The following SYNE1 variants were observed in gnomAD, a reference collection of about 807,000 sequenced individuals.
SYNE1 encodes spectrin repeat containing nuclear envelope protein 1, also known as nesprin-1.
SYNE1 carries 616 observed loss-of-function variants against 1,111.0 expected under a neutral mutation model. The ratio of observed to expected loss-of-function variants is 0.55; its 90% confidence interval spans 0.52 to 0.59. The LOEUF is 0.59. Ranked by LOEUF, SYNE1 falls within the 20% of genes least tolerant of loss-of-function variation. The pLI is 0.00. For missense variants in SYNE1, 10,006 were observed against 10,417.0 expected, an observed-to-expected ratio of 0.96 and a Z score of 1.72; for synonymous variants, 3,855 against 3,825.8, an observed-to-expected ratio of 1.01 and a Z score of -0.28.
chr6:152,407,162 A>G lies in SYNE1; in HGVS notation c.6575T>C (p.Leu2192Pro). The G allele has an allele frequency of 6.2e-7, 1 of 1,614,126 alleles. No individual in the cohort carries two copies. Among genetic ancestry groups the G allele is most frequent in the Non-Finnish European group, 8.5e-7 (1 of 1,180,008 alleles). Residue 2192 changes from leucine (L) to proline (P), a missense_variant, in exon 45 of 146, where the codon CTG (leucine) becomes CCG (proline). Leu to Pro is a moderately conservative substitution (Grantham distance 98, BLOSUM62 -3). Transcript: ENST00000367255. Reference sequence around the variant, plus strand: ...ATCCCAAATGGACAGGCTTACTCTCAGCCTATCCATGTTTTCTTCAAGTTT... The same window carrying G: ...ATCCCAAATGGACAGGCTTACTCTCGGCCTATCCATGTTTTCTTCAAGTTT... ...SEKLEENMDR[L>P]RVSLSIWDDV...
intron 82 of SYNE1, among the ~76,000 whole-genome samples, chr6:152,322,141 G>A (rs1204907699): frequency 1.3e-5 from 2 of 152,066 alleles, no homozygotes; most frequent in African/African-American, 2.4e-5. Flanking sequence ...CCTATTTAAA[G>A]TAGCCTGGAG....
chr6:152,151,526 T>C (rs758192288), intron 135 of SYNE1, 27 bp downstream of exon 135: 1 of 1,613,380 alleles, frequency 6.2e-7, no homozygotes, highest in Non-Finnish European at 8.5e-7. Flanking sequence ...TTTCTTCACT[T>C]TGGTAACTTG....
chr6:152,431,446 A>AT (rs1172181593), intron 34 of SYNE1, among the ~76,000 whole-genome samples: 1 of 152,240 alleles, frequency 6.6e-6, no homozygotes, highest in Non-Finnish European at 1.5e-5. Context: ...AAGAAAGGAC[A>AT]TTTTACATGT....
At chr6:152,284,610 A>ATTTTTTTTTTTT (rs760978831) in intron 95 of SYNE1, among the ~76,000 whole-genome samples, 1 of 108,150 alleles carries the variant, frequency 9.2e-6, no homozygotes, top group Non-Finnish European at 1.9e-5. Context: ...ACACCTGGTA[A>ATTTTTTTTTTTT]TTTTTTTTTT....
At chr6:152,202,380 A>AGCAAAAAAAG (rs2075675969) in intron 126 of SYNE1, among the ~76,000 whole-genome samples, 3 of 149,058 alleles carry the variant, frequency 2.0e-5, no homozygotes, top group African/African-American at 7.7e-5. Context: ...GCAAAAAAAA[A>AGCAAAAAAAG]AAAGAACAAA....
At chr6:152,184,252 A>G (rs1408188524) in intron 128 of SYNE1, among the ~76,000 whole-genome samples, 3 of 152,170 alleles carry the variant, frequency 2.0e-5, no homozygotes, top group African/African-American at 7.2e-5. Context: ...CCTGGCCAAC[A>G]TGGTGAAACC....
intron 63 of SYNE1, 87 bp downstream of exon 63, chr6:152,364,760 A>G (rs1183824313): frequency 6.7e-7 from 1 of 1,482,542 alleles, no homozygotes; most frequent in Admixed American, 1.7e-5. Context: ...AGGGAAGGGA[A>G]GCCGGCCACA....
At chr6:152,189,647 A>T (rs548717572) in intron 127 of SYNE1, among the ~76,000 whole-genome samples, 1 of 152,360 alleles carries the variant, frequency 6.6e-6, no homozygotes, top group East Asian at 1.9e-4. Flanking sequence ...TATAAAAGTT[A>T]TGTTTACACT....
intron 50 of SYNE1, 151 bp downstream of exon 50, chr6:152,396,624 C>T (rs1156302130): frequency 8.8e-6 from 7 of 797,330 alleles, no homozygotes; most frequent in Non-Finnish European, 1.4e-5. Flanking sequence ...TTGATTATTG[C>T]CCTAGTATCA....
rs1418470832 is a variant in SYNE1, at chr6:152,353,608, G to T, written c.11063C>A (p.Ala3688Asp). The change falls in exon 68 of 146, where the codon GCC becomes GAC. Residue 3688 changes from alanine to aspartate, a missense_variant. Ala to Asp is a moderately radical substitution (Grantham distance 126). Around this residue, in one of 7 missense-constraint regions of SYNE1, gnomAD observed 4,955 missense variants for 5,017.2 expected, o/e 0.99. Coordinates refer to ENST00000367255, the MANE Select transcript of SYNE1 (RefSeq NM_182961.4). Reference protein sequence around the residue: ...QATQLTSRYQALLLQVLEQIK... With the variant: ...QATQLTSRYQDLLLQVLEQIK... ...ACTCACCAGCACTTGGAGAAGCAGG[G>T]CCTGGTATCTGGAAGTCAGCTGGGT... 6.2e-7 allele frequency: 1 copy of T among 1,614,184 alleles called. No homozygotes were observed. Among genetic ancestry groups the T allele is most frequent in the East Asian group, 2.2e-5 (1 of 44,872 alleles).
chr6:152,389,205 T>A (rs1469386807), intron 53 of SYNE1, among the ~76,000 whole-genome samples: 8 of 152,348 alleles, frequency 5.3e-5, no homozygotes, highest in African/African-American at 4.8e-5. Context: ...TAAATATTTT[T>A]AAAATTTTAT....
intron 121 of SYNE1, among the ~76,000 whole-genome samples, chr6:152,216,872 A>G (rs1232658854): frequency 2.0e-5 from 3 of 149,840 alleles, no homozygotes; most frequent in Admixed American, 6.6e-5. Context: ...TGGCCAACAT[A>G]GTGAACCACC....
At position 152,419,719 on chromosome 6, in the gene SYNE1, A is replaced by G. The variant is rs2098223129; in HGVS notation, c.5271T>C (p.Ile1757=). Reference sequence around the variant, plus strand: ...CAGCAACCACAGACTGAAGAAAATTAATCCTATGTAGACAAAGTATTAAAG... The same window carrying G: ...CAGCAACCACAGACTGAAGAAAATTGATCCTATGTAGACAAAGTATTAAAG... ...RDLPQIINKR[I]NFLQSVVAEH... The change falls in exon 40 of 146, where the codon ATT becomes ATC. Residue 1757 remains isoleucine, a synonymous_variant. Coordinates refer to ENST00000367255, the MANE Select transcript of SYNE1 (RefSeq NM_182961.4). 3 of 1,613,874 alleles carry G rather than the reference A, an allele frequency of 1.9e-6. No individual in the cohort carries two copies. Among genetic ancestry groups the G allele is most frequent in the Admixed American group, 3.3e-5 (2 of 60,008 alleles).
At chr6:152,125,645 G>A (rs2053145702) in intron 145 of SYNE1, 1 of 273,534 alleles carries the variant, frequency 3.7e-6, no homozygotes, top group East Asian at 6.2e-5. Flanking sequence ...ATAACAGAGT[G>A]ACTGAAGAGA....
Position 152,367,156 on chromosome 6 carries a change from C to T in SYNE1, c.9972+62G>A, listed in dbSNP as rs141562326. On this transcript the variant is annotated intron_variant, in intron 62 of 145. Transcript: ENST00000367255. ...CATCATCACCCCAGGTGGATGGAGA[C>T]GGGAAATTTTGAGAAAAACAAATTC... 8.9e-4 allele frequency: 1,430 copies of T among 1,600,544 alleles called. 6 individuals are homozygous for T. The African/African-American group carries it at 0.017, about 19-fold the overall frequency.
chr6:152,465,515 C>T, intron 17 of SYNE1, 55 bp from the exon 18 acceptor site: 1 of 1,517,350 alleles, frequency 6.6e-7, no homozygotes, highest in Non-Finnish European at 9.0e-7. Flanking sequence ...ATCCTCTACA[C>T]CTTTTTTTCT....
chr6:152,433,520 A>T, intron 34 of SYNE1: 1 of 460,880 alleles, frequency 2.2e-6, no homozygotes, highest in Non-Finnish European at 3.9e-6. Context: ...AATCAAGGAA[A>T]AGAATTAATG....
At chr6:152,540,557 A>G (rs2099264426) in intron 3 of SYNE1, among the ~76,000 whole-genome samples, 1 of 152,228 alleles carries the variant, frequency 6.6e-6, no homozygotes, top group African/African-American at 2.4e-5. Flanking sequence ...GACCTCCAAA[A>G]ATTCCCACCA....
intron 5 of SYNE1, 109 bp downstream of exon 5, chr6:152,525,971 A>G: frequency 1.0e-6 from 1 of 984,222 alleles, no homozygotes; most frequent in Non-Finnish European, 1.6e-6. Context: ...AACCACGACA[A>G]ATAACTTTCT....
Sources: allele counts gnomAD v4.1 joint callset (sites outside exome capture counted in the v4.1 genomes callset), GRCh38; gene constraint gnomAD v4.1.1; regional missense constraint gnomAD v4.1.1; transcripts MANE v1.5; gene names NCBI Gene and HGNC (gene_info 2026-07-23, HGNC 2026-07-21).